Variants in CHCHD3 observed in about 807,000 individuals in gnomAD.
CHCHD3 encodes the protein MICOS complex subunit MIC19.
CHCHD3 carries 20 observed loss-of-function variants against 38.2 expected under a neutral mutation model. That is an observed-to-expected ratio of 0.52 (90% CI 0.37 to 0.76). The LOEUF (loss-of-function observed/expected upper bound fraction) is 0.76, where lower values mean the gene tolerates loss of function less well. Among genes scored for constraint, CHCHD3 ranks in the 30% least tolerant of loss-of-function variants. The pLI, the probability that CHCHD3 is intolerant of heterozygous loss-of-function variation, is 0.00. For missense variants in CHCHD3, 245 were observed against 279.2 expected, an observed-to-expected ratio of 0.88 and a Z score of 0.87; for synonymous variants, 82 against 100.0, an observed-to-expected ratio of 0.82 and a Z score of 1.07.
chr7:132,879,830 C>T (rs1299666235), intron 5 of CHCHD3, among the ~76,000 whole-genome samples: 1 of 150,222 alleles, frequency 6.7e-6, no homozygotes, highest in East Asian at 2.0e-4. Context: ...GAATGAAGAC[C>T]TCAAGAAGAA....
chr7:132,978,901 T>C (rs1340628769), intron 3 of CHCHD3, among the ~76,000 whole-genome samples: 1 of 152,212 alleles, frequency 6.6e-6, no homozygotes, highest in Non-Finnish European at 1.5e-5. Context: ...ACTGCACAAA[T>C]TCTCAAATGT....
At chr7:133,039,525 C>A (rs1264393624) in intron 2 of CHCHD3, among the ~76,000 whole-genome samples, 1 of 152,202 alleles carries the variant, frequency 6.6e-6, no homozygotes, top group Non-Finnish European at 1.5e-5. Flanking sequence ...AAAATGAAGT[C>A]TTTGTAACCA....
intron 4 of CHCHD3, among the ~76,000 whole-genome samples, chr7:132,902,935 G>T (rs1004670561): frequency 2.2e-4 from 33 of 152,196 alleles, no homozygotes; most frequent in African/African-American, 8.0e-4. Flanking sequence ...CCAAATTCTA[G>T]AAACTCCTGT....
chr7:132,886,956 T>C, intron 4 of CHCHD3: 1 of 1,297,508 alleles, frequency 7.7e-7, no homozygotes, highest in Non-Finnish European at 9.8e-7. Flanking sequence ...ATTTATAGGT[T>C]ATTGTTTTGC....
chr7:132,806,356 ATATCCTTTAGAGTGCCTGTGAGATAC>A (rs1357627350), intron 6 of CHCHD3, among the ~76,000 whole-genome samples: 1 of 152,204 alleles, frequency 6.6e-6, no homozygotes, highest in Non-Finnish European at 1.5e-5. Context: ...GGTCAATTCC[ATATCCTTTAGAGTGCCTGTGAGATAC>A]TAGGCACTGT....
At chr7:132,909,204 T>C (rs1809875337) in intron 4 of CHCHD3, among the ~76,000 whole-genome samples, 1 of 152,114 alleles carries the variant, frequency 6.6e-6, no homozygotes, top group South Asian at 2.1e-4. Context: ...CTTTCCTTTA[T>C]AAATTGCCCA....
intron 2 of CHCHD3, among the ~76,000 whole-genome samples, chr7:133,052,636 G>A (rs1814200302): frequency 2.0e-5 from 3 of 152,172 alleles, no homozygotes; most frequent in African/African-American, 7.2e-5. Context: ...ATTTTCTTAA[G>A]TGACAAACAC....
At position 133,082,040 on chromosome 7, in the gene CHCHD3, C is replaced by G. The variant is rs1815192047; in HGVS notation, c.-103G>C. The G allele has an allele frequency of 8.2e-6, 9 of 1,092,298 alleles. No homozygotes were observed. The highest frequency in any genetic ancestry group is 1.2e-5 in the Non-Finnish European group (9 of 781,564). The allele number at this position is 1,092,298 out of a possible 1,614,324, so 67.7% of individuals were successfully genotyped here. A position where few individuals can be genotyped will look rare whatever the true frequency, so the allele number is the denominator to read the frequency against. ...GAAGGGCCTGGATTCTTTTCCCGCA[C>G]AGCGGGAGCAAGGCCACGACCCCCA... On this transcript the variant is annotated 5_prime_UTR_variant, in exon 1 of 8. Coordinates refer to ENST00000262570, the MANE Select transcript of CHCHD3 (RefSeq NM_017812.4).
rs140846642 is a variant in CHCHD3 at position 132,788,737 on chromosome 7, G to A, written c.661-3077C>T. The stretch of plus-strand genomic sequence containing the variant: ...CCTTTAGCCACATTCACAAAATACC[G>A]TTACATGTATTAAAATTCTAATCCT... On this transcript the variant is annotated intron_variant, in intron 7 of 7. Transcript: ENST00000262570. The surrounding 1 kb of genome is among the most constrained non-coding windows in gnomAD (Gnocchi z 4.0). Among the ~76,000 whole-genome samples, 270 of 152,300 alleles carry A rather than the reference G, an allele frequency of 1.8e-3. 1 individual carries two copies. The highest frequency in any genetic ancestry group is 0.01 in the Middle Eastern group (3 of 294).
chr7:132,983,721 G>A (rs1446595764), intron 3 of CHCHD3, among the ~76,000 whole-genome samples: 8 of 152,124 alleles, frequency 5.3e-5, no homozygotes, highest in Admixed American at 5.2e-4. Context: ...CCGAGAAGCA[G>A]AGAAAAGTCA....
chr7:132,995,815 T>C (rs1051565674), intron 3 of CHCHD3, among the ~76,000 whole-genome samples: 9 of 152,210 alleles, frequency 5.9e-5, no homozygotes, highest in South Asian at 2.1e-4. Context: ...ACATACAAAT[T>C]ATACCATTTA....
chr7:132,951,516 C>A (rs1453479057), intron 4 of CHCHD3, among the ~76,000 whole-genome samples: 1 of 152,172 alleles, frequency 6.6e-6, no homozygotes, highest in East Asian at 1.9e-4. Flanking sequence ...CAGTGACAGA[C>A]TGCATACTGA....
chr7:132,947,251 C>T (rs1283465380), intron 4 of CHCHD3, among the ~76,000 whole-genome samples: 1 of 151,704 alleles, frequency 6.6e-6, no homozygotes, highest in Non-Finnish European at 1.5e-5. Context: ...TGAAATAAGC[C>T]ATGTAGTAGA....
chr7:132,972,631 T>C, intron 4 of CHCHD3: 1 of 985,450 alleles, frequency 1.0e-6, no homozygotes, highest in Non-Finnish European at 1.2e-6. Flanking sequence ...CTGGCAGCCA[T>C]GTTGCTGTGG....
intron 7 of CHCHD3, among the ~76,000 whole-genome samples, chr7:132,794,626 A>C (rs1444565915): frequency 2.0e-5 from 3 of 152,224 alleles, no homozygotes; most frequent in Non-Finnish European, 2.9e-5. Flanking sequence ...CCACGAAAAC[A>C]ATAGATACTC....
intron 4 of CHCHD3, chr7:132,973,042 T>G: frequency 1.0e-6 from 1 of 985,408 alleles, no homozygotes; most frequent in Non-Finnish European, 1.2e-6. Context: ...TCACATTTTT[T>G]TGTGAAATCT....
intron 2 of CHCHD3, among the ~76,000 whole-genome samples, chr7:133,044,767 G>C (rs1433467774): frequency 1.3e-5 from 2 of 152,378 alleles, no homozygotes; most frequent in Non-Finnish European, 2.9e-5. Context: ...CAGAAGAGCA[G>C]TCCACTGGAT....
chr7:133,001,087 C>T (rs544187633), intron 3 of CHCHD3, among the ~76,000 whole-genome samples: 7 of 152,266 alleles, frequency 4.6e-5, no homozygotes, highest in African/African-American at 1.7e-4. Context: ...ATCTCCCTCA[C>T]CAAAAATGAT....
chr7:132,861,176 G>T (rs994271865), intron 5 of CHCHD3, among the ~76,000 whole-genome samples: 2 of 152,194 alleles, frequency 1.3e-5, no homozygotes, highest in Non-Finnish European at 2.9e-5. Flanking sequence ...AACCAAAAAT[G>T]TGTCGTAGAT....
Sources: gnomAD v4.1 joint callset for allele counts (sites outside exome capture counted in the v4.1 genomes callset) on GRCh38, gnomAD v4.1.1 for gene constraint, Gnocchi (gnomAD v3.1) non-coding constraint, MANE v1.5 for transcripts, NCBI Gene and HGNC (gene_info 2026-07-23, HGNC 2026-07-21) for gene names.